PTDSS1: variants seen among roughly 807,000 people sequenced by gnomAD.
PTDSS1 encodes the protein PSS-1.
A neutral mutation model predicts 70.5 loss-of-function variants in PTDSS1; 45 were observed. The observed-to-expected ratio is 0.64, with a 90% CI of 0.50 to 0.82. The LOEUF (loss-of-function observed/expected upper bound fraction) is 0.82. Ranked by LOEUF, PTDSS1 falls within the 40% of genes least tolerant of loss-of-function variation. The pLI is 0.00. For missense variants in PTDSS1, 417 were observed against 586.1 expected (o/e 0.71, Z 2.98); for synonymous variants, 188 against 203.8 (o/e 0.92, Z 0.66).
Position 96,333,877 on chromosome 8 carries a change from G to A in PTDSS1, c.*311G>A, listed in dbSNP as rs1171669391. On this transcript the variant is annotated 3_prime_UTR_variant, in exon 13 of 13. Coordinates refer to ENST00000517309, the MANE Select transcript of PTDSS1 (RefSeq NM_014754.3). ...TATTCATTCACAGTTGCCAAGAGCA[G>A]CTCCGCGCCTGCTGGATCGTGGATG... 9 of 623,192 alleles carry A rather than the reference G, an allele frequency of 1.4e-5. No individual in the cohort carries two copies. Among genetic ancestry groups the A allele is most frequent in the Non-Finnish European group, 2.9e-6 (1 of 346,014 alleles). 38.6% of individuals were successfully genotyped at this position (623,192 alleles called of 1,614,324 possible).
chr8:96,281,797 G>A (rs1278546601), intron 2 of PTDSS1, among the ~76,000 whole-genome samples: 3 of 152,168 alleles, frequency 2.0e-5, no homozygotes, highest in Non-Finnish European at 4.4e-5. Flanking sequence ...GACACAGGAG[G>A]CTCTGATGGA....
intron 9 of PTDSS1, among the ~76,000 whole-genome samples, chr8:96,310,509 T>C (rs1326186765): frequency 6.6e-6 from 1 of 151,662 alleles, no homozygotes; most frequent in Non-Finnish European, 1.5e-5. Flanking sequence ...TCAGATGGTA[T>C]TTCCCACAAA....
intron 2 of PTDSS1, among the ~76,000 whole-genome samples, chr8:96,282,100 A>C (rs765921770): frequency 6.6e-6 from 1 of 152,250 alleles, no homozygotes; most frequent in East Asian, 1.9e-4. Flanking sequence ...AGAGGAAACT[A>C]TACAGAAAAC....
chr8:96,286,495 T>C (rs1810824270), intron 3 of PTDSS1, among the ~76,000 whole-genome samples: 1 of 152,198 alleles, frequency 6.6e-6, no homozygotes, highest in Non-Finnish European at 1.5e-5. Context: ...ACACCCAGCC[T>C]TGCCCTCCTC....
chr8:96,275,826 C>T (rs186429457), intron 2 of PTDSS1, among the ~76,000 whole-genome samples: 127 of 152,294 alleles, frequency 8.3e-4, no homozygotes, highest in African/African-American at 3.0e-3. Flanking sequence ...TTCTGTATCC[C>T]GTGATCTGCT....
intron 9 of PTDSS1, among the ~76,000 whole-genome samples, chr8:96,318,697 C>T (rs1175559992): frequency 1.3e-5 from 2 of 152,202 alleles, no homozygotes; most frequent in East Asian, 1.9e-4. Context: ...TGTTTTGGTT[C>T]GGGCTAGGGG....
At chr8:96,317,722 CA>C (rs1263820889) in intron 9 of PTDSS1, among the ~76,000 whole-genome samples, 2 of 150,710 alleles carry the variant, frequency 1.3e-5, no homozygotes, top group African/African-American at 4.9e-5. Flanking sequence ...GCAATGGAGT[CA>C]GGGCCGGTCT....
In PTDSS1 at chr8:96,298,965, G is replaced by A. The variant is rs186565946; in HGVS notation, c.601-729G>A. 4.8e-3 allele frequency among the ~76,000 whole-genome samples: 728 copies of A among 151,656 alleles called. 9 individuals carry two copies. Among genetic ancestry groups the A allele is most frequent in the African/African-American group, 0.017 (684 of 41,316 alleles). Reference sequence around the variant, plus strand: ...TGAGGCAGGAGAATTGCTTGAACCCGGGAGGCAGAGGTTGCAGTGAGCCGA... The same window carrying A: ...TGAGGCAGGAGAATTGCTTGAACCCAGGAGGCAGAGGTTGCAGTGAGCCGA... On this transcript the variant is annotated intron_variant, in intron 5 of 12. Coordinates refer to ENST00000517309, the MANE Select transcript of PTDSS1 (RefSeq NM_014754.3).
rs1811577878 is a variant in PTDSS1 at position 96,335,208 on chromosome 8, G to C, written c.*1642G>C. The C allele has an allele frequency of 6.6e-6, 1 of 152,238 alleles. No individual in the cohort carries two copies. Among genetic ancestry groups the C allele is most frequent in the Admixed American group, 6.5e-5 (1 of 15,288 alleles). 9.4% of individuals were successfully genotyped at this position (152,238 alleles called of 1,614,324 possible). On this transcript the variant is annotated 3_prime_UTR_variant, in exon 13 of 13. Transcript: ENST00000517309. Reference sequence around the variant, plus strand: ...CACAAAAGGATAGAAGAGAGGCAAAGTGCGTGTTTCATAAAACCTGCCTGC... The same window carrying C: ...CACAAAAGGATAGAAGAGAGGCAAACTGCGTGTTTCATAAAACCTGCCTGC...
Position 96,262,571 on chromosome 8 carries a change from C to G in PTDSS1, c.179+352C>G, listed in dbSNP as rs1306126148. Among the ~76,000 whole-genome samples, 1 of 152,166 alleles carries G rather than the reference C, an allele frequency of 6.6e-6. No individual in the cohort carries two copies. Among genetic ancestry groups the G allele is most frequent in the African/African-American group, 2.4e-5 (1 of 41,424 alleles). The stretch of plus-strand genomic sequence containing the variant: ...TCCTCTGCACTGCTCCAGCCTTCGT[C>G]CCTACCCAGCACACCGCATGAATCA... On this transcript the variant is annotated intron_variant, in intron 1 of 12. Transcript: ENST00000517309. This position sits in a 1 kb window ranked among gnomAD's most constrained non-coding sequence, Gnocchi z 4.4.
chr8:96,311,830 G>A (rs184403220), intron 9 of PTDSS1, among the ~76,000 whole-genome samples: 427 of 152,314 alleles, frequency 2.8e-3, no homozygotes, highest in Non-Finnish European at 4.4e-3. Flanking sequence ...TGGCGCTCCC[G>A]CTTCATGTGT....
intron 8 of PTDSS1, 77 bp downstream of exon 8, chr8:96,306,633 C>A: frequency 9.1e-7 from 1 of 1,099,838 alleles, no homozygotes; most frequent in South Asian, 1.4e-5. Flanking sequence ...TAAGGAAAGT[C>A]ATATAAACTA....
At chr8:96,323,049 G>A (rs1247570448) in intron 10 of PTDSS1, among the ~76,000 whole-genome samples, 1 of 152,266 alleles carries the variant, frequency 6.6e-6, no homozygotes, top group Non-Finnish European at 1.5e-5. Flanking sequence ...GCAGTCCCAA[G>A]TAAGTACAGA....
chr8:96,303,234 G>A (rs1811075067), intron 6 of PTDSS1, among the ~76,000 whole-genome samples: 2 of 151,798 alleles, frequency 1.3e-5, no homozygotes, highest in African/African-American at 4.8e-5. Flanking sequence ...ATTTTTTGCT[G>A]CCAGTGTGCC....
chr8:96,292,740 G>A (rs1247096851), intron 4 of PTDSS1, among the ~76,000 whole-genome samples: 1 of 152,218 alleles, frequency 6.6e-6, no homozygotes, highest in Non-Finnish European at 1.5e-5. Flanking sequence ...TCCTGTGAAA[G>A]CTCAGTGGAG....
At chr8:96,265,237 A>T (rs1182869696) in intron 1 of PTDSS1, among the ~76,000 whole-genome samples, 1 of 152,242 alleles carries the variant, frequency 6.6e-6, no homozygotes, top group East Asian at 1.9e-4. Flanking sequence ...TTTTGCAAAG[A>T]CTAGTTGTCT....
intron 8 of PTDSS1, 107 bp downstream of exon 8, chr8:96,306,663 A>G (rs1407923189): frequency 7.0e-6 from 6 of 855,066 alleles, no homozygotes; most frequent in Non-Finnish European, 1.1e-5. Flanking sequence ...CCATGAAAAT[A>G]CCATCGTAAA....
At chr8:96,305,737 A>G (rs1359390066) in intron 7 of PTDSS1, among the ~76,000 whole-genome samples, 1 of 152,018 alleles carries the variant, frequency 6.6e-6, no homozygotes, top group African/African-American at 2.4e-5. Context: ...TTGGAGTGCA[A>G]TGGCGTGATC....
chr8:96,303,246 C>T (rs1179599353), intron 6 of PTDSS1, among the ~76,000 whole-genome samples: 1 of 152,064 alleles, frequency 6.6e-6, no homozygotes, highest in Non-Finnish European at 1.5e-5. Flanking sequence ...CAGTGTGCCG[C>T]AGATCTTCTT....
Sources: allele counts gnomAD v4.1 joint callset (sites outside exome capture counted in the v4.1 genomes callset), GRCh38; gene constraint gnomAD v4.1.1; non-coding constraint Gnocchi (gnomAD v3.1); transcripts MANE v1.5; gene names NCBI Gene and HGNC (gene_info 2026-07-23, HGNC 2026-07-21).